The following BTBD8 variants were observed in gnomAD, a reference collection of about 807,000 sequenced individuals.
BTBD8 encodes the protein BTB/POZ domain-containing protein 8.
In BTBD8, 110 loss-of-function variants were observed where a neutral mutation model predicts 162.9. The ratio of observed to expected loss-of-function variants is 0.68; its 90% CI spans 0.58 to 0.79. The LOEUF is 0.79. Among genes scored for constraint, BTBD8 ranks in the 30% least tolerant of loss-of-function variants. BTBD8 has a pLI of 0.00. For synonymous variants in BTBD8, 667 were observed against 716.1 expected, an observed-to-expected ratio of 0.93 and a Z score of 1.10; for missense variants, 1,905 against 2,085.4, an observed-to-expected ratio of 0.91 and a Z score of 1.68.
intron 4 of BTBD8, among the ~76,000 whole-genome samples, chr1:92,122,510 G>A (rs1490708572): frequency 6.6e-6 from 1 of 151,348 alleles, no homozygotes; most frequent in Non-Finnish European, 1.5e-5. Context: ...GCCCACCTTG[G>A]CCTCCCAAAG....
intron 7 of BTBD8, among the ~76,000 whole-genome samples, chr1:92,142,619 G>C (rs147173365): frequency 6.6e-5 from 10 of 152,156 alleles, no homozygotes; most frequent in Admixed American, 6.5e-4. Context: ...TCTGCACCCC[G>C]GTTACACATG....
chr1:92,176,443 C>T (rs1457168592), intron 13 of BTBD8, among the ~76,000 whole-genome samples: 1 of 152,068 alleles, frequency 6.6e-6, no homozygotes, highest in Non-Finnish European at 1.5e-5. Context: ...ATGATGTATA[C>T]AAAAGATGTA....
Position 92,142,424 on chromosome 1 carries a change from G to A in BTBD8, c.930+1213G>A, listed in dbSNP as rs149489052. On this transcript the variant is annotated intron_variant, in intron 7 of 17. Coordinates refer to ENST00000636805, the MANE Select transcript of BTBD8 (RefSeq NM_001376131.1). ...CCATCCCACCCTGGAGCTTCTATCA[G>A]AGACGAAGAGAAAGTGATAAGAAAT... is the stretch of plus-strand genomic sequence containing the variant. Among the ~76,000 whole-genome samples, 266 of 152,302 alleles carry A rather than the reference G, an allele frequency of 1.7e-3. 3 individuals are homozygous for A. The highest frequency in any genetic ancestry group is 5.8e-3 in the African/African-American group (243 of 41,550).
intron 9 of BTBD8, among the ~76,000 whole-genome samples, chr1:92,154,870 T>C (rs947494296): frequency 2.0e-5 from 3 of 152,244 alleles, no homozygotes; most frequent in African/African-American, 7.2e-5. Flanking sequence ...CATGAAGCTT[T>C]CTTCTAGGAG....
At chr1:92,126,661 A>C (rs753768022) in intron 4 of BTBD8, among the ~76,000 whole-genome samples, 1 of 152,186 alleles carries the variant, frequency 6.6e-6, no homozygotes, top group Non-Finnish European at 1.5e-5. Context: ...AATTAAATAG[A>C]GTTTTATGGA....
intron 2 of BTBD8, among the ~76,000 whole-genome samples, chr1:92,093,030 A>C (rs1296152048): frequency 6.6e-6 from 1 of 152,030 alleles, no homozygotes; most frequent in African/African-American, 2.4e-5. Flanking sequence ...GCTCCTGTGG[A>C]GAGCATAAAT....
intron 9 of BTBD8, among the ~76,000 whole-genome samples, chr1:92,154,319 C>G (rs1650109573): frequency 6.6e-6 from 1 of 152,148 alleles, no homozygotes; most frequent in Admixed American, 6.6e-5. Context: ...GTTTTTGGAT[C>G]ATATGGTAGT....
chr1:92,167,755 C>G, intron 10 of BTBD8, 93 bp from the exon 11 acceptor site: 1 of 998,746 alleles, frequency 1.0e-6, no homozygotes. Flanking sequence ...TGACTTCATA[C>G]AGCTAGTTAT....
chr1:92,098,188 C>T (rs1300502915), intron 2 of BTBD8, among the ~76,000 whole-genome samples: 11 of 152,108 alleles, frequency 7.2e-5, no homozygotes, highest in Admixed American at 6.5e-4. Flanking sequence ...CTAAGAACAG[C>T]GCCCAAATCC....
At position 92,080,483 on chromosome 1, in the gene BTBD8, C is replaced by T; in HGVS notation, c.-89C>T. 6.4e-7 allele frequency: 1 copy of T among 1,554,508 alleles called. No individual in the cohort carries two copies. Among genetic ancestry groups the T allele is most frequent in the Non-Finnish European group, 8.7e-7 (1 of 1,155,284 alleles). ...GGGGCGGATTTGGGTAGGAGCCGAGCGTTCGGTCGGAAACGCCCCCTTCTT... is the reference window on the plus strand; with the variant it reads ...GGGGCGGATTTGGGTAGGAGCCGAGTGTTCGGTCGGAAACGCCCCCTTCTT... On this transcript the variant is annotated 5_prime_UTR_variant, in exon 1 of 18. Coordinates refer to ENST00000636805, the MANE Select transcript of BTBD8 (RefSeq NM_001376131.1).
At chr1:92,168,083 G>A in intron 11 of BTBD8, 98 bp downstream of exon 11, 1 of 1,046,446 alleles carries the variant, frequency 9.6e-7, no homozygotes, top group Non-Finnish European at 1.3e-6. Context: ...ATTGAAGCTA[G>A]GCAGTGGATA....
intron 4 of BTBD8, among the ~76,000 whole-genome samples, chr1:92,108,367 A>G (rs1276545349): frequency 6.6e-6 from 1 of 152,244 alleles, no homozygotes; most frequent in African/African-American, 2.4e-5. Flanking sequence ...GTCATAGAAA[A>G]TGTAGTTAAA....
chr1:92,118,659 A>G lies in BTBD8; in HGVS notation c.662+10658A>G, dbSNP rs1052677074. On this transcript the variant is annotated intron_variant, in intron 4 of 17. Coordinates refer to ENST00000636805, the MANE Select transcript of BTBD8 (RefSeq NM_001376131.1). The stretch of plus-strand genomic sequence containing the variant: ...CCTCCTTGAACCAGGGGTATTATCC[A>G]CATAAATTATTTGGAATTCTTCTGC... 2.6e-5 allele frequency among the ~76,000 whole-genome samples: 4 copies of G among 152,058 alleles called. No homozygotes were observed. In the East Asian group the frequency reaches 7.7e-4, roughly 29 times the overall value.
At chr1:92,169,073 G>T in intron 12 of BTBD8, 78 bp downstream of exon 12, 1 of 1,356,020 alleles carries the variant, frequency 7.4e-7, no homozygotes. Context: ...ATTCTGATAA[G>T]TGAAAAGGTT....
At chr1:92,151,922 A>G (rs1650054930) in intron 9 of BTBD8, among the ~76,000 whole-genome samples, 1 of 152,170 alleles carries the variant, frequency 6.6e-6, no homozygotes, top group South Asian at 2.1e-4. Context: ...TATATGTACC[A>G]CATTTTCTTT....
intron 9 of BTBD8, among the ~76,000 whole-genome samples, chr1:92,149,322 TTGAAGAA>T (rs1292752970): frequency 1.3e-5 from 2 of 152,162 alleles, no homozygotes; most frequent in African/African-American, 4.8e-5. Flanking sequence ...CTGAATCAGA[TTGAAGAA>T]TGAACATCTC....
intron 7 of BTBD8, among the ~76,000 whole-genome samples, chr1:92,143,652 A>G (rs1387220083): frequency 1.3e-5 from 2 of 151,944 alleles, no homozygotes; most frequent in African/African-American, 4.8e-5. Flanking sequence ...CTGGGAGTAC[A>G]GGAGCGTGCC....
intron 5 of BTBD8, among the ~76,000 whole-genome samples, chr1:92,134,427 C>T (rs1649584223): frequency 1.3e-5 from 2 of 152,216 alleles, no homozygotes; most frequent in African/African-American, 2.4e-5. Flanking sequence ...ATTTGTGGAT[C>T]TTTCCTCCAA....
chr1:92,151,237 C>G (rs1002901435), intron 9 of BTBD8, among the ~76,000 whole-genome samples: 1 of 151,800 alleles, frequency 6.6e-6, no homozygotes, highest in African/African-American at 2.4e-5. Context: ...GCCTGTAATC[C>G]CAGCTACTCG....
Sources: allele counts gnomAD v4.1 joint callset (sites outside exome capture counted in the v4.1 genomes callset), GRCh38; gene constraint gnomAD v4.1.1; transcripts MANE v1.5; gene names NCBI Gene and HGNC (gene_info 2026-07-23, HGNC 2026-07-21).